Variants in FARP1 observed in about 807,000 individuals in gnomAD.
FARP1 encodes FERM, ARHGEF and pleckstrin domain-containing protein 1.
A neutral mutation model predicts 128.8 loss-of-function variants in FARP1; 52 were observed. That is an observed-to-expected ratio of 0.40 (90% CI 0.32 to 0.51). The LOEUF is 0.51. Ranked by LOEUF, FARP1 falls within the 20% of genes least tolerant of loss-of-function variation. The pLI, the probability that FARP1 is intolerant of heterozygous loss-of-function variation, is 0.45. For synonymous variants in FARP1, 580 were observed against 551.8 expected, an observed-to-expected ratio of 1.05 and a Z score of -0.72; for missense variants, 1,333 against 1,367.9, an observed-to-expected ratio of 0.97 and a Z score of 0.40.
intron 2 of FARP1, among the ~76,000 whole-genome samples, chr13:98,253,036 G>C (rs1883421036): frequency 6.6e-6 from 1 of 152,232 alleles, no homozygotes. Context: ...AAAGGTTGGA[G>C]AGAACCTTGG....
chr13:98,387,611 A>C (rs1890145635), intron 8 of FARP1, among the ~76,000 whole-genome samples: 1 of 152,214 alleles, frequency 6.6e-6, no homozygotes, highest in African/African-American at 2.4e-5. Flanking sequence ...GAGACTGGGC[A>C]GATGGGAGTT....
chr13:98,262,959 A>G (rs1883948793), intron 2 of FARP1, among the ~76,000 whole-genome samples: 1 of 152,118 alleles, frequency 6.6e-6, no homozygotes, highest in Non-Finnish European at 1.5e-5. Flanking sequence ...TGCCCCTTTT[A>G]CAGTGTCACT....
Position 98,176,813 on chromosome 13 carries a change from C to G in FARP1, c.-24+33321C>G, listed in dbSNP as rs148267601. The G allele has an allele frequency of 1.5e-5, 24 of 1,612,924 alleles. No homozygotes were observed. The African/African-American group carries it at 3.2e-4, about 22-fold the overall frequency. The stretch of plus-strand genomic sequence containing the variant: ...ATTCCCCGGTAGATGTGGTCGTGCT[C>G]CCGACCCCGCAGTGCCTCCTGGACC... On this transcript the variant is annotated intron_variant, in intron 1 of 26. Coordinates refer to ENST00000319562, the MANE Select transcript of FARP1 (RefSeq NM_005766.4). The surrounding 1 kb of genome is among the most constrained non-coding windows in gnomAD (Gnocchi z 6.2).
At chr13:98,149,947 C>T (rs1278529940) in intron 1 of FARP1, among the ~76,000 whole-genome samples, 2 of 151,660 alleles carry the variant, frequency 1.3e-5, no homozygotes, top group Non-Finnish European at 2.9e-5. Flanking sequence ...CCATGTTAGC[C>T]AGGATGGTCT....
At chr13:98,341,971 G>A (rs530907603) in intron 2 of FARP1, among the ~76,000 whole-genome samples, 78 of 152,262 alleles carry the variant, frequency 5.1e-4, no homozygotes, top group Non-Finnish European at 9.0e-4. Flanking sequence ...TACTAACTGG[G>A]GACATAGACA....
At chr13:98,396,624 G>A (rs1421315643) in intron 13 of FARP1, 5 of 397,804 alleles carry the variant, frequency 1.3e-5, no homozygotes, top group Admixed American at 4.4e-5. Flanking sequence ...ACAGGCACAT[G>A]TTTGAAAGAG....
At position 98,152,766 on chromosome 13, in the gene FARP1, G is replaced by A. The variant is rs1876104433; in HGVS notation, c.-24+9274G>A. On this transcript the variant is annotated intron_variant, in intron 1 of 26. Transcript: ENST00000319562. ...ACTGATTTCTACCTGTTAATTATGT[G>A]GAAAGTGACTTAAAGTCATATCAAA... Among the ~76,000 whole-genome samples, 3 of 151,994 alleles carry A rather than the reference G, an allele frequency of 2.0e-5. 1 individual carries two copies.
In FARP1 at chr13:98,233,465, A is replaced by G. The variant is rs143695756; in HGVS notation, c.171+20052A>G. ...CAGGAGAGGGGAAAGAACTCAGCCA[A>G]GGAGTCCCAGCTCCTTCCCCCAAAT... On this transcript the variant is annotated intron_variant, in intron 2 of 26. Coordinates refer to ENST00000319562, the MANE Select transcript of FARP1 (RefSeq NM_005766.4). 4.0e-4 allele frequency among the ~76,000 whole-genome samples: 61 copies of G among 152,264 alleles called. 2 individuals are homozygous for G. The East Asian group carries it at 0.012, about 29-fold the overall frequency.
Position 98,448,461 on chromosome 13 carries a change from G to C in FARP1, c.*144G>C. On this transcript the variant is annotated 3_prime_UTR_variant, in exon 27 of 27. Coordinates refer to ENST00000319562, the MANE Select transcript of FARP1 (RefSeq NM_005766.4). ...GCAGCTCTCCTGTCTCCACAGCCGC[G>C]TTTTTTAACCCCGACCTCTCAGCGT... The C allele has an allele frequency of 4.4e-6, 3 of 675,608 alleles. No individual in the cohort carries two copies. The South Asian group carries it at 5.5e-5, about 12-fold the overall frequency. The allele number at this position is 675,608 out of a possible 1,614,324, so 41.9% of individuals were successfully genotyped here.
chr13:98,365,361 C>A, intron 3 of FARP1, 34 bp from the exon 4 acceptor site: 3 of 1,548,990 alleles, frequency 1.9e-6, no homozygotes, highest in Non-Finnish European at 2.7e-6. Context: ...TCATTGAGAA[C>A]TTAGGTCTTA....
intron 2 of FARP1, among the ~76,000 whole-genome samples, chr13:98,215,570 A>G (rs1881009218): frequency 6.6e-6 from 1 of 152,232 alleles, no homozygotes; most frequent in Admixed American, 6.5e-5. Context: ...GTTTGGAGCA[A>G]TTCTTGACAT....
Position 98,431,049 on chromosome 13 carries a change from G to C in FARP1, c.1912G>C (p.Ala638Pro). ...TCCTCTGTTGCCTCCCAAGCACCTG[G>C]CGGCTCACCTGTGGAAGCACAGCGA... Reference protein sequence around the residue: ...LKNIQGMKHLAAHLWKHSEAL... With the variant: ...LKNIQGMKHLPAHLWKHSEAL... The change falls in exon 18 of 27, where the codon GCG becomes CCG. Residue 638 changes from alanine to proline, a missense_variant. Physicochemically the swap from Ala to Pro is conservative, Grantham distance 27. Transcript: ENST00000319562. The C allele has an allele frequency of 6.2e-7, 1 of 1,612,452 alleles. No individual in the cohort carries two copies. The highest frequency in any genetic ancestry group is 8.5e-7 in the Non-Finnish European group (1 of 1,178,772).
chr13:98,149,372 A>C (rs1254794040), intron 1 of FARP1, among the ~76,000 whole-genome samples: 1 of 150,828 alleles, frequency 6.6e-6, no homozygotes, highest in Non-Finnish European at 1.5e-5. Flanking sequence ...TGGCCATTCA[A>C]GTTGTTTTCA....
At chr13:98,299,352 C>G (rs937415551) in intron 2 of FARP1, among the ~76,000 whole-genome samples, 3 of 152,276 alleles carry the variant, frequency 2.0e-5, no homozygotes, top group East Asian at 1.9e-4. Context: ...AAGATGGTTA[C>G]CAGCCAAGAG....
intron 2 of FARP1, among the ~76,000 whole-genome samples, chr13:98,306,627 G>A (rs1886175346): frequency 6.6e-6 from 1 of 151,786 alleles, no homozygotes; most frequent in Non-Finnish European, 1.5e-5. Context: ...CAGTCCTTCT[G>A]CCTCAGCCTC....
intron 2 of FARP1, among the ~76,000 whole-genome samples, chr13:98,250,523 C>A (rs1284836208): frequency 6.6e-6 from 1 of 152,044 alleles, no homozygotes; most frequent in Non-Finnish European, 1.5e-5. Context: ...GAGTTTGAGA[C>A]CAGCGTGGCT....
intron 16 of FARP1, among the ~76,000 whole-genome samples, chr13:98,416,487 G>A (rs1891380224): frequency 6.6e-6 from 1 of 152,224 alleles, no homozygotes; most frequent in East Asian, 1.9e-4. Context: ...CTTCTCCTGA[G>A]TAAACACACC....
At chr13:98,434,658 T>C (rs545183630) in intron 18 of FARP1, 5 of 152,310 alleles carry the variant, frequency 3.3e-5, no homozygotes, top group African/African-American at 1.2e-4. Flanking sequence ...CTAGCTTCTT[T>C]TAAATATTGG....
intron 4 of FARP1, among the ~76,000 whole-genome samples, chr13:98,367,562 T>C (rs1299260020): frequency 1.3e-5 from 2 of 151,980 alleles, no homozygotes; most frequent in African/African-American, 4.8e-5. Context: ...CCTATCTACT[T>C]CCTGATTTTG....
Sources: gnomAD v4.1 joint callset for allele counts (sites outside exome capture counted in the v4.1 genomes callset) on GRCh38, gnomAD v4.1.1 for gene constraint, Gnocchi (gnomAD v3.1) non-coding constraint, MANE v1.5 for transcripts, NCBI Gene and HGNC (gene_info 2026-07-23, HGNC 2026-07-21) for gene names.